Variants in FBXO34 observed in about 807,000 individuals in gnomAD.
FBXO34 encodes the protein F-box protein 34.
Under a neutral mutation model 24.5 loss-of-function variants are expected in FBXO34, and 12 were observed. The observed-to-expected ratio is 0.49, with a 90% confidence interval of 0.31 to 0.79. The LOEUF is 0.79. Among genes scored for constraint, FBXO34 ranks in the 30% least tolerant of loss-of-function variants. The pLI is 0.04. For missense variants in FBXO34, 823 were observed against 857.7 expected, an observed-to-expected ratio of 0.96 and a Z score of 0.51; for synonymous variants, 320 against 311.9, an observed-to-expected ratio of 1.03 and a Z score of -0.27.
At chr14:55,293,289 T>C (rs891231321) in intron 1 of FBXO34, among the ~76,000 whole-genome samples, 9 of 152,154 alleles carry the variant, frequency 5.9e-5, no homozygotes, top group African/African-American at 1.9e-4. Flanking sequence ...ATGATTCTTA[T>C]GCCTCAGCCA....
chr14:55,399,667 CTTTTAT>C, the FBXO34 span, among the ~76,000 whole-genome samples: 2 of 152,164 alleles, frequency 1.3e-5, no homozygotes, highest in Non-Finnish European at 2.9e-5. Context: ...ATAGTATTTA[CTTTTAT>C]ATCAGTGAGA....
the FBXO34 span, among the ~76,000 whole-genome samples, chr14:55,402,796 A>C: frequency 7.0e-6 from 1 of 143,494 alleles, no homozygotes; most frequent in African/African-American, 2.6e-5. Flanking sequence ...GTGGTGGCTC[A>C]CACCTGTAAT....
downstream of FBXO34, among the ~76,000 whole-genome samples, chr14:55,374,101 T>G (rs1884874373): frequency 6.6e-6 from 1 of 152,284 alleles, no homozygotes; most frequent in African/African-American, 2.4e-5. Flanking sequence ...TGAGTGCTTT[T>G]TTCCCTCAAC....
downstream of FBXO34, among the ~76,000 whole-genome samples, chr14:55,370,745 A>G (rs1371254357): frequency 1.3e-5 from 2 of 151,098 alleles, no homozygotes; most frequent in East Asian, 3.9e-4. Context: ...GGTGCAAGCG[A>G]TTCTCCTGCC....
chr14:55,349,487 A>T (rs1270924174), intron 1 of FBXO34, among the ~76,000 whole-genome samples: 1 of 152,038 alleles, frequency 6.6e-6, no homozygotes, highest in East Asian at 1.9e-4. Context: ...CTACACATAG[A>T]TTATTTAGAA....
chr14:55,339,905 A>G (rs889344186), intron 1 of FBXO34, among the ~76,000 whole-genome samples: 3 of 152,202 alleles, frequency 2.0e-5, no homozygotes, highest in Non-Finnish European at 2.9e-5. Flanking sequence ...TAGTTACTCA[A>G]CAGGTGAGCA....
chr14:55,310,458 C>T (rs1882697404), intron 1 of FBXO34, among the ~76,000 whole-genome samples: 1 of 151,980 alleles, frequency 6.6e-6, no homozygotes, highest in Admixed American at 6.6e-5. Flanking sequence ...CAGGTCACAC[C>T]ACCAAACCAG....
intron 1 of FBXO34, among the ~76,000 whole-genome samples, chr14:55,283,962 G>GTGTGTGTGTGTGTC (rs1158886273): frequency 6.8e-6 from 1 of 146,976 alleles, no homozygotes; most frequent in Non-Finnish European, 1.5e-5. Flanking sequence ...GTGTGTGTGT[G>GTGTGTGTGTGTGTC]TGTGTGTGTG....
At chr14:55,348,228 TTTG>T (rs1010820936) in intron 1 of FBXO34, among the ~76,000 whole-genome samples, 9 of 152,148 alleles carry the variant, frequency 5.9e-5, no homozygotes, top group African/African-American at 1.2e-4. Context: ...GTTGGGTTTT[TTTG>T]TTGTTGTTGT....
the FBXO34 span, among the ~76,000 whole-genome samples, chr14:55,427,561 G>A: frequency 6.6e-6 from 1 of 152,098 alleles, no homozygotes; most frequent in Admixed American, 6.6e-5. Flanking sequence ...GTTCCAGCTT[G>A]GCCAAGAGAA....
chr14:55,302,776 A>G (rs1414725891), intron 1 of FBXO34, among the ~76,000 whole-genome samples: 1 of 152,122 alleles, frequency 6.6e-6, no homozygotes, highest in Non-Finnish European at 1.5e-5. Context: ...TCTTGGGTTT[A>G]GAGAAGAATT....
chr14:55,312,519 G>T (rs141125452), intron 1 of FBXO34, among the ~76,000 whole-genome samples: 2,914 of 152,236 alleles, frequency 0.019, 92 homozygotes, highest in African/African-American at 0.062. Context: ...TTTCCCTTCC[G>T]CACTGCCCTA....
chr14:55,350,346 G>T, intron 1 of FBXO34, 35 bp from the exon 2 acceptor site: 1 of 1,430,152 alleles, frequency 7.0e-7, no homozygotes, highest in African/African-American at 1.4e-5. Flanking sequence ...AAACAAAATT[G>T]GTTTCTGAAT....
intron 1 of FBXO34, among the ~76,000 whole-genome samples, chr14:55,278,658 T>C (rs1881426283): frequency 6.6e-6 from 1 of 152,188 alleles, no homozygotes; most frequent in Non-Finnish European, 1.5e-5. Flanking sequence ...TAAAATGTAG[T>C]TATAAAAGTA....
chr14:55,297,130 A>G (rs897324728), intron 1 of FBXO34, among the ~76,000 whole-genome samples: 3 of 152,142 alleles, frequency 2.0e-5, no homozygotes, highest in African/African-American at 7.2e-5. Flanking sequence ...TGGAGCCGCC[A>G]TTTTGAACCT....
chr14:55,283,890 G>A (rs989039120), intron 1 of FBXO34, among the ~76,000 whole-genome samples: 28 of 151,792 alleles, frequency 1.8e-4, no homozygotes, highest in African/African-American at 6.8e-4. Flanking sequence ...TTATTAGCTG[G>A]TAGGAGGTTA....
downstream of FBXO34, among the ~76,000 whole-genome samples, chr14:55,355,711 A>G (rs992000468): frequency 2.0e-5 from 3 of 152,248 alleles, no homozygotes; most frequent in African/African-American, 7.2e-5. Context: ...CCGAGGGACC[A>G]CTGTGGAGCT....
At chr14:55,395,185 G>A in the FBXO34 span, 2 of 439,572 alleles carry the variant, frequency 4.5e-6, no homozygotes, top group Admixed American at 2.6e-5. Context: ...CTCCTCTTGG[G>A]CTCTTCCTCT....
chr14:55,417,289 T>A, the FBXO34 span, among the ~76,000 whole-genome samples: 1 of 152,102 alleles, frequency 6.6e-6, no homozygotes, highest in Admixed American at 6.5e-5. Flanking sequence ...AACAGGTTGT[T>A]AAAATGAGGG....
Sources: allele counts gnomAD v4.1 joint callset (sites outside exome capture counted in the v4.1 genomes callset), GRCh38; gene constraint gnomAD v4.1.1; transcripts MANE v1.5; gene names NCBI Gene and HGNC (gene_info 2026-07-23, HGNC 2026-07-21).